BTBD9: variants seen among roughly 807,000 people sequenced by gnomAD.
BTBD9 encodes the protein BTB/POZ domain-containing protein 9.
In BTBD9, 49 loss-of-function variants were observed where a neutral mutation model predicts 64.3. That is an observed-to-expected ratio of 0.76 (90% CI 0.61 to 0.97). The LOEUF (loss-of-function observed/expected upper bound fraction) is 0.97, where lower values mean the gene tolerates loss of function less well. Ranked by LOEUF, BTBD9 falls within the 50% of genes least tolerant of loss-of-function variation. BTBD9 has a pLI of 0.00. For synonymous variants in BTBD9, 260 were observed against 274.7 expected, an observed-to-expected ratio of 0.95 and a Z score of 0.53; for missense variants, 598 against 762.1, an observed-to-expected ratio of 0.78 and a Z score of 2.53.
At chr6:38,559,742 G>A (rs528072096) in intron 6 of BTBD9, among the ~76,000 whole-genome samples, 1 of 152,092 alleles carries the variant, frequency 6.6e-6, no homozygotes, top group African/African-American at 2.4e-5. Flanking sequence ...GTAGCTCAAT[G>A]GAACAAAATT....
chr6:38,209,967 G>A (rs1330778743), intron 9 of BTBD9, among the ~76,000 whole-genome samples: 1 of 152,218 alleles, frequency 6.6e-6, no homozygotes, highest in African/African-American at 2.4e-5. Flanking sequence ...CTCACAGAGA[G>A]CGGCAGGACC....
At chr6:38,630,495 A>G (rs190072592) in intron 1 of BTBD9, among the ~76,000 whole-genome samples, 1 of 152,360 alleles carries the variant, frequency 6.6e-6, no homozygotes, top group African/African-American at 2.4e-5. Context: ...CTTTCTCTTC[A>G]ACAGTTCAGT....
intron 8 of BTBD9, among the ~76,000 whole-genome samples, chr6:38,275,004 G>A (rs549929485): frequency 4.6e-4 from 70 of 152,174 alleles, no homozygotes; most frequent in Non-Finnish European, 8.8e-4. Context: ...CTACTTTAAA[G>A]TTCATATGGA....
chr6:38,226,515 G>A (rs918628082), intron 9 of BTBD9, among the ~76,000 whole-genome samples: 2 of 152,198 alleles, frequency 1.3e-5, no homozygotes, highest in Non-Finnish European at 2.9e-5. Flanking sequence ...CTAGCTCTGT[G>A]ACTGCAGATG....
At chr6:38,574,429 C>A (rs959208977) in intron 6 of BTBD9, among the ~76,000 whole-genome samples, 3 of 151,918 alleles carry the variant, frequency 2.0e-5, no homozygotes, top group African/African-American at 7.3e-5. Context: ...TATGGGTTGG[C>A]GATACAAAAA....
intron 10 of BTBD9, among the ~76,000 whole-genome samples, chr6:38,176,716 T>C (rs558860319): frequency 2.6e-5 from 4 of 152,318 alleles, no homozygotes; most frequent in Admixed American, 2.6e-4. Flanking sequence ...AGCTCTGCCC[T>C]GGGCTAGGCC....
chr6:38,525,259 C>T lies in BTBD9; in HGVS notation c.1154+52341G>A, dbSNP rs368589955. ...ATAATCAGTTTTCCCTGCTCTTGCT[C>T]GCTCTCTCTCCTGCAACCTTGTAAA... On this transcript the variant is annotated intron_variant, in intron 6 of 10. Transcript: ENST00000481247. 1.6e-4 allele frequency among the ~76,000 whole-genome samples: 25 copies of T among 152,246 alleles called. No individual in the cohort carries two copies. The East Asian group carries it at 3.7e-3, about 22-fold the overall frequency.
intron 6 of BTBD9, among the ~76,000 whole-genome samples, chr6:38,439,262 T>G (rs1768909269): frequency 6.6e-6 from 1 of 151,908 alleles, no homozygotes; most frequent in Non-Finnish European, 1.5e-5. Context: ...TAGCTGGGAT[T>G]ACAGGCGTGT....
At chr6:38,317,934 C>CTTTTT (rs34109121) in intron 7 of BTBD9, among the ~76,000 whole-genome samples, 3 of 128,846 alleles carry the variant, frequency 2.3e-5, no homozygotes, top group Admixed American at 8.1e-5. Context: ...CTCAAAATAG[C>CTTTTT]TTTTTTTTTT....
chr6:38,451,501 T>C (rs570002122), intron 6 of BTBD9, among the ~76,000 whole-genome samples: 58 of 152,286 alleles, frequency 3.8e-4, no homozygotes, highest in African/African-American at 8.4e-4. Context: ...ACAGTACCCA[T>C]TGTTACCTCT....
At chr6:38,573,467 CCT>C (rs1437387857) in intron 6 of BTBD9, among the ~76,000 whole-genome samples, 4 of 152,192 alleles carry the variant, frequency 2.6e-5, no homozygotes, top group African/African-American at 9.6e-5. Context: ...ATCTCAACAC[CCT>C]GTCTGGCCTT....
At chr6:38,347,098 T>C (rs1292377421) in intron 6 of BTBD9, among the ~76,000 whole-genome samples, 2 of 152,174 alleles carry the variant, frequency 1.3e-5, no homozygotes, top group Non-Finnish European at 2.9e-5. Context: ...AAACACTATA[T>C]GGAATCAGAT....
chr6:38,307,185 C>G (rs1017969357), intron 7 of BTBD9, among the ~76,000 whole-genome samples: 1 of 152,184 alleles, frequency 6.6e-6, no homozygotes, highest in Non-Finnish European at 1.5e-5. Flanking sequence ...TGTAATCCAA[C>G]CTTCTGTCAA....
At chr6:38,580,465 T>C in intron 4 of BTBD9, 28 bp from the exon 5 acceptor site, 1 of 1,556,764 alleles carries the variant, frequency 6.4e-7, no homozygotes, top group Non-Finnish European at 8.8e-7. Flanking sequence ...AAAAGCAAGG[T>C]TAATGATTAC....
chr6:38,446,306 GT>G (rs764323192), intron 6 of BTBD9, among the ~76,000 whole-genome samples: 59 of 145,492 alleles, frequency 4.1e-4, no homozygotes, highest in African/African-American at 4.5e-4. Context: ...TAAACAACTA[GT>G]TTTTTTTTTT....
intron 6 of BTBD9, among the ~76,000 whole-genome samples, chr6:38,416,171 G>T (rs1767656025): frequency 6.6e-6 from 1 of 152,092 alleles, no homozygotes; most frequent in African/African-American, 2.4e-5. Context: ...TGGAATGAAA[G>T]CCCCAAAGAG....
intron 10 of BTBD9, 83 bp from the exon 11 acceptor site, chr6:38,175,265 C>T: frequency 6.9e-7 from 1 of 1,458,150 alleles, no homozygotes; most frequent in Middle Eastern, 1.8e-4. Flanking sequence ...TACTGCCCTG[C>T]CCAGCTTTGG....
chr6:38,533,556 T>C (rs1042773223), intron 6 of BTBD9, among the ~76,000 whole-genome samples: 1 of 152,144 alleles, frequency 6.6e-6, no homozygotes, highest in African/African-American at 2.4e-5. Context: ...AATAAATACT[T>C]ACAGAAAATT....
chr6:38,325,067 T>C (rs570514392), intron 7 of BTBD9, among the ~76,000 whole-genome samples: 1 of 152,314 alleles, frequency 6.6e-6, no homozygotes, highest in East Asian at 1.9e-4. Flanking sequence ...GTAATTATTA[T>C]GATGGAACAT....
Sources: gnomAD v4.1 joint callset for allele counts (sites outside exome capture counted in the v4.1 genomes callset) on GRCh38, gnomAD v4.1.1 for gene constraint, MANE v1.5 for transcripts, NCBI Gene and HGNC (gene_info 2026-07-23, HGNC 2026-07-21) for gene names.